Variants in STARD3NL observed in about 807,000 individuals in gnomAD.
STARD3NL encodes the protein STARD3 N-terminal like.
A neutral mutation model predicts 30.9 loss-of-function variants in STARD3NL; 17 were observed. The observed-to-expected ratio is 0.55, with a 90% CI of 0.38 to 0.82. The LOEUF is 0.82. STARD3NL is among the 40% of genes least tolerant of loss of function. The pLI is 0.00. For synonymous variants in STARD3NL, 112 were observed against 100.5 expected, an observed-to-expected ratio of 1.11 and a Z score of -0.69; for missense variants, 234 against 277.6, an observed-to-expected ratio of 0.84 and a Z score of 1.12.
At chr7:38,190,487 C>T (rs1784640635) in intron 1 of STARD3NL, among the ~76,000 whole-genome samples, 1 of 152,112 alleles carries the variant, frequency 6.6e-6, no homozygotes, top group Non-Finnish European at 1.5e-5. Context: ...TATAGATAAA[C>T]AGGTACAGAC....
intron 1 of STARD3NL, among the ~76,000 whole-genome samples, chr7:38,206,587 T>C (rs1233959089): frequency 2.0e-5 from 3 of 152,210 alleles, no homozygotes; most frequent in Non-Finnish European, 4.4e-5. Flanking sequence ...ATATCTTCTG[T>C]AATTATTGGT....
chr7:38,193,265 C>T (rs1784764458), intron 1 of STARD3NL, among the ~76,000 whole-genome samples: 1 of 149,950 alleles, frequency 6.7e-6, no homozygotes, highest in African/African-American at 2.5e-5. Context: ...TGTCTGTCCT[C>T]CTATTAGGAT....
chr7:38,192,587 G>A (rs1009495166), intron 1 of STARD3NL, among the ~76,000 whole-genome samples: 17 of 152,104 alleles, frequency 1.1e-4, no homozygotes, highest in African/African-American at 4.1e-4. Context: ...ATGATGAAGT[G>A]GCTATGGAGA....
chr7:38,216,931 T>G, intron 4 of STARD3NL, 94 bp from the exon 5 acceptor site: 1 of 1,477,110 alleles, frequency 6.8e-7, no homozygotes, highest in Non-Finnish European at 9.3e-7. Context: ...AGGCCTTGCC[T>G]GCTCCTGGCT....
At chr7:38,186,452 G>A (rs1784461827) in intron 1 of STARD3NL, among the ~76,000 whole-genome samples, 1 of 152,140 alleles carries the variant, frequency 6.6e-6, no homozygotes, top group Non-Finnish European at 1.5e-5. Context: ...GAAAAATTGG[G>A]TTACAAATAG....
intron 1 of STARD3NL, among the ~76,000 whole-genome samples, chr7:38,204,751 A>G (rs1212035358): frequency 2.0e-5 from 3 of 152,134 alleles, no homozygotes; most frequent in African/African-American, 7.2e-5. Context: ...AGACTAATAA[A>G]GAAGAAAAGA....
intron 1 of STARD3NL, among the ~76,000 whole-genome samples, chr7:38,194,881 T>C (rs147680456): frequency 2.8e-4 from 43 of 152,332 alleles, no homozygotes; most frequent in African/African-American, 8.7e-4. Flanking sequence ...ATTGAAATAA[T>C]CTGTATTCGT....
chr7:38,180,691 C>G (rs1323319242), intron 1 of STARD3NL, among the ~76,000 whole-genome samples: 1 of 152,222 alleles, frequency 6.6e-6, no homozygotes, highest in Non-Finnish European at 1.5e-5. Context: ...AAGCCTAATT[C>G]ATTCTACCCC....
chr7:38,188,583 A>G (rs1380306993), intron 1 of STARD3NL, among the ~76,000 whole-genome samples: 3 of 152,182 alleles, frequency 2.0e-5, no homozygotes, highest in African/African-American at 4.8e-5. Flanking sequence ...GCTCAAACAT[A>G]TTTGTGGAGT....
At chr7:38,209,751 G>A (rs1312264837) in intron 2 of STARD3NL, among the ~76,000 whole-genome samples, 1 of 152,104 alleles carries the variant, frequency 6.6e-6, no homozygotes, top group Non-Finnish European at 1.5e-5. Flanking sequence ...GGGGTTCATG[G>A]GATCACACTT....
Position 38,207,516 on chromosome 7 carries a change from G to A in STARD3NL, c.12G>A (p.Leu4=). The change falls in exon 2 of 9, where the codon CTG becomes CTA. Residue 4 remains leucine (L), a synonymous_variant. Coordinates refer to ENST00000009041, the MANE Select transcript of STARD3NL (RefSeq NM_032016.4). ...AACCCTCCTCCAGGATGAACCACCT[G>A]CCAGAAGACATGGAGAACGCTCTCA... MNH[L]PEDMENALTG... 6.2e-7 allele frequency: 1 copy of A among 1,613,864 alleles called. No homozygotes were observed. Among genetic ancestry groups the A allele is most frequent in the Non-Finnish European group, 8.5e-7 (1 of 1,179,896 alleles).
At chr7:38,203,324 A>G (rs1340426712) in intron 1 of STARD3NL, among the ~76,000 whole-genome samples, 5 of 152,262 alleles carry the variant, frequency 3.3e-5, no homozygotes, top group Admixed American at 6.5e-5. Flanking sequence ...GTGGGGGCCA[A>G]TATTCAACAT....
intron 1 of STARD3NL, among the ~76,000 whole-genome samples, chr7:38,186,401 T>C (rs374408528): frequency 6.6e-6 from 1 of 152,184 alleles, no homozygotes. Flanking sequence ...AAATCAGCAG[T>C]ATTTTGTACT....
rs8163 is a variant in STARD3NL, at chr7:38,230,067, G to A, written c.*162G>A. Reference sequence around the variant, plus strand: ...GATTTATTTATTGTAATACCTCACAGACGTTGTACCATATCCATGCACATT... The same window carrying A: ...GATTTATTTATTGTAATACCTCACAAACGTTGTACCATATCCATGCACATT... On this transcript the variant is annotated 3_prime_UTR_variant, in exon 9 of 9. Coordinates refer to ENST00000009041, the MANE Select transcript of STARD3NL (RefSeq NM_032016.4). 31,656 of 152,560 alleles carry A rather than the reference G, an allele frequency of 0.21. 3,351 individuals carry two copies. Among genetic ancestry groups the A allele is most frequent in the Non-Finnish European group, 0.22 (15,100 of 67,996 alleles). 9.5% of individuals were successfully genotyped at this position (152,560 alleles called of 1,614,324 possible).
In STARD3NL at chr7:38,185,744, G is replaced by A. The variant is rs114198337; in HGVS notation, c.-59+7324G>A. Among the ~76,000 whole-genome samples, 1,075 of 152,296 alleles carry A rather than the reference G, an allele frequency of 7.1e-3. 15 individuals are homozygous for A. The highest frequency in any genetic ancestry group is 0.024 in the African/African-American group (991 of 41,546). ...TGACTACTTATCAGCTGGCCCCTGGGAATTCAGCTTCTGTTTTCTCTGTAT... is the reference window on the plus strand; with the variant it reads ...TGACTACTTATCAGCTGGCCCCTGGAAATTCAGCTTCTGTTTTCTCTGTAT... On this transcript the variant is annotated intron_variant, in intron 1 of 8. Transcript: ENST00000009041.
chr7:38,178,720 C>G (rs1784122310), intron 1 of STARD3NL, among the ~76,000 whole-genome samples: 1 of 152,196 alleles, frequency 6.6e-6, no homozygotes, highest in Admixed American at 6.5e-5. Flanking sequence ...CCTGCGGACC[C>G]TGAGGAGTCC....
Position 38,207,683 on chromosome 7 carries a change from C to T in STARD3NL, c.179C>T (p.Thr60Ile), listed in dbSNP as rs1294985342. The change falls in exon 2 of 9, where the codon ACC becomes ATC. Residue 60 changes from threonine to isoleucine, a missense_variant. Transcript: ENST00000009041. ...AGGAGGACTTTCTGTTTGTTTGTCA[C>T]CTTTGACCTCTTATTCGTAACATTA... ...DVRRTFCLFVTFDLLFVTLLW... is the reference protein window; with the variant it reads ...DVRRTFCLFVIFDLLFVTLLW... 2 of 1,613,938 alleles carry T rather than the reference C, an allele frequency of 1.2e-6. No individual in the cohort carries two copies. Among genetic ancestry groups the T allele is most frequent in the Non-Finnish European group, 1.7e-6 (2 of 1,179,954 alleles).
intron 1 of STARD3NL, among the ~76,000 whole-genome samples, chr7:38,198,970 G>A (rs1359405716): frequency 1.3e-5 from 2 of 152,188 alleles, no homozygotes; most frequent in Non-Finnish European, 2.9e-5. Flanking sequence ...AGTTTTTAGT[G>A]ATTTGTTAAT....
intron 1 of STARD3NL, among the ~76,000 whole-genome samples, chr7:38,180,025 G>A (rs1784184502): frequency 6.6e-6 from 1 of 152,246 alleles, no homozygotes; most frequent in South Asian, 2.1e-4. Context: ...GGTGACACTG[G>A]AGAGGTGTAC....
Sources: gnomAD v4.1 joint callset for allele counts (sites outside exome capture counted in the v4.1 genomes callset) on GRCh38, gnomAD v4.1.1 for gene constraint, MANE v1.5 for transcripts, NCBI Gene and HGNC (gene_info 2026-07-23, HGNC 2026-07-21) for gene names.